The following KDM5A variants were observed in gnomAD, a reference collection of about 807,000 sequenced individuals.
KDM5A encodes lysine-specific demethylase 5A.
A neutral mutation model predicts 193.5 loss-of-function variants in KDM5A; 42 were observed. The observed-to-expected ratio is 0.22, with a 90% CI of 0.17 to 0.28. The LOEUF is 0.28. Ranked by LOEUF, KDM5A falls within the 10% of genes least tolerant of loss-of-function variation. The pLI, the probability that KDM5A is intolerant of heterozygous loss-of-function variation, is 1.00. For synonymous variants in KDM5A, 796 were observed against 718.1 expected, an observed-to-expected ratio of 1.11 and a Z score of -1.73; for missense variants, 1,692 against 2,055.1, an observed-to-expected ratio of 0.82 and a Z score of 3.42.
At position 318,399 on chromosome 12, in the gene KDM5A, G is replaced by T; in HGVS notation, c.2604C>A (p.Thr868=). Residue 868 remains threonine, a synonymous_variant, in exon 19 of 28, where the codon ACC becomes ACA. Transcript: ENST00000399788. ...ACATCTGGAGTTTGGAAGAATCTGGGGTTTCATCCATCATGGCCTCCTGAG... is the reference window on the plus strand; with the variant it reads ...ACATCTGGAGTTTGGAAGAATCTGGTGTTTCATCCATCATGGCCTCCTGAG... ...ERAQEAMMDE[T]PDSSKLQMLI... 6.2e-7 allele frequency: 1 copy of T among 1,613,996 alleles called. No homozygotes were observed. The highest frequency in any genetic ancestry group is 8.5e-7 in the Non-Finnish European group (1 of 1,179,976).
chr12:379,926 T>C (rs1344941721), intron 3 of KDM5A, among the ~76,000 whole-genome samples: 1 of 152,188 alleles, frequency 6.6e-6, no homozygotes, highest in African/African-American at 2.4e-5. Flanking sequence ...CAGACTAGGT[T>C]ACCTCTAAAA....
At chr12:388,023 T>C (rs746292889) in intron 1 of KDM5A, among the ~76,000 whole-genome samples, 2 of 152,178 alleles carry the variant, frequency 1.3e-5, no homozygotes, top group Non-Finnish European at 2.9e-5. Context: ...GACTAGTTGC[T>C]AGAAAAGCAG....
rs200400258 is a variant in KDM5A, at chr12:312,033, C to CA, written c.3037-970dup. Among the ~76,000 whole-genome samples, 1,415 of 150,732 alleles carry CA rather than the reference C, an allele frequency of 9.4e-3. 29 individuals are homozygous for CA. Among genetic ancestry groups the CA allele is most frequent in the African/African-American group, 0.032 (1,308 of 41,044 alleles). ...AGGGCGACAGAGCAAGACTCTGTCT[C>CA]AAAAAAAAAGAACTTGACACCCAGA... On this transcript the variant is annotated intron_variant, in intron 20 of 27. Coordinates refer to ENST00000399788, the MANE Select transcript of KDM5A (RefSeq NM_001042603.3).
At chr12:385,852 T>A (rs1442522476) in intron 2 of KDM5A, 45 bp downstream of exon 2, 1 of 1,461,576 alleles carries the variant, frequency 6.8e-7, no homozygotes, top group African/African-American at 1.4e-5. Context: ...ACAGCCCTAA[T>A]ATAAAGAATG....
chr12:332,058 A>T (rs1943872691), intron 12 of KDM5A, 120 bp from the exon 13 acceptor site: 1 of 896,992 alleles, frequency 1.1e-6, no homozygotes, highest in Non-Finnish European at 1.8e-6. Flanking sequence ...ATAAAGCATT[A>T]AGTTACACAT....
chr12:379,443 A>T (rs1056442083), intron 3 of KDM5A, among the ~76,000 whole-genome samples: 3 of 144,048 alleles, frequency 2.1e-5, no homozygotes, highest in African/African-American at 7.9e-5. Flanking sequence ...ATATATCTTG[A>T]TCTGCGTGAT....
chr12:301,765 T>A (rs1268268448), intron 24 of KDM5A, among the ~76,000 whole-genome samples: 1 of 151,970 alleles, frequency 6.6e-6, no homozygotes, highest in African/African-American at 2.4e-5. Context: ...GACTGTATAT[T>A]TAGAAAACCC....
At chr12:353,566 A>G (rs938044432) in intron 8 of KDM5A, among the ~76,000 whole-genome samples, 1 of 152,198 alleles carries the variant, frequency 6.6e-6, no homozygotes, top group African/African-American at 2.4e-5. Flanking sequence ...TAGAAAAAGA[A>G]TCTTTGAAAG....
intron 6 of KDM5A, among the ~76,000 whole-genome samples, chr12:355,489 A>G (rs1944220619): frequency 6.6e-6 from 1 of 152,248 alleles, no homozygotes. Flanking sequence ...CGTAAGATCC[A>G]GAGAGCTTAC....
intron 6 of KDM5A, among the ~76,000 whole-genome samples, chr12:355,985 AAC>A (rs1271880145): frequency 5.3e-5 from 8 of 152,256 alleles, no homozygotes; most frequent in African/African-American, 1.9e-4. Flanking sequence ...TACTAAAGAA[AAC>A]AGTTTATTCA....
chr12:356,401 T>C, intron 6 of KDM5A, 31 bp downstream of exon 6: 1 of 1,269,836 alleles, frequency 7.9e-7, no homozygotes, highest in Non-Finnish European at 1.2e-6. Flanking sequence ...TTCTACCTTA[T>C]CTCTTTTCAT....
At chr12:337,876 C>G (rs535324565) in intron 10 of KDM5A, among the ~76,000 whole-genome samples, 1 of 152,268 alleles carries the variant, frequency 6.6e-6, no homozygotes, top group Admixed American at 6.5e-5. Context: ...CTGCTGACCT[C>G]AAGTGATCTG....
At chr12:387,750 C>A (rs1222957157) in intron 1 of KDM5A, among the ~76,000 whole-genome samples, 3 of 152,160 alleles carry the variant, frequency 2.0e-5, no homozygotes, top group African/African-American at 4.8e-5. Context: ...ATTTACCTGT[C>A]AGGGCTTCAA....
chr12:332,904 A>G, intron 12 of KDM5A, among the ~76,000 whole-genome samples: 1 of 152,190 alleles, frequency 6.6e-6, no homozygotes, highest in Non-Finnish European at 1.5e-5. Context: ...ATTTTTGTTC[A>G]AAGTAGGATG....
At chr12:372,345 T>A (rs1944439295) in intron 3 of KDM5A, among the ~76,000 whole-genome samples, 1 of 152,204 alleles carries the variant, frequency 6.6e-6, no homozygotes, top group Non-Finnish European at 1.5e-5. Context: ...CTAGGTATTT[T>A]ATTCTGTTTG....
Position 323,677 on chromosome 12 carries a change from G to T in KDM5A, c.2073C>A (p.Ser691=). 6.2e-7 allele frequency: 1 copy of T among 1,614,140 alleles called. No individual in the cohort carries two copies. Among genetic ancestry groups the T allele is most frequent in the Non-Finnish European group, 8.5e-7 (1 of 1,179,962 alleles). ...TTCFLSALTC[S]CNPERLVCLY... is the part of the protein sequence containing the mutation. ...GACATACAAGCCGCTCAGGATTACA[G>T]GAACATGTGAGAGCAGAGAGAAAAC... Residue 691 remains serine (S), a synonymous_variant, in exon 15 of 28, where the codon TCC becomes TCA. Coordinates refer to ENST00000399788, the MANE Select transcript of KDM5A (RefSeq NM_001042603.3).
chr12:386,832 C>G (rs1944642994), intron 1 of KDM5A, among the ~76,000 whole-genome samples: 1 of 151,628 alleles, frequency 6.6e-6, no homozygotes, highest in Admixed American at 6.6e-5. Context: ...TATGCTTTCC[C>G]AAGTTACTCA....
chr12:287,850 T>C (rs1382415560), intron 27 of KDM5A, among the ~76,000 whole-genome samples: 1 of 152,188 alleles, frequency 6.6e-6, no homozygotes, highest in East Asian at 1.9e-4. Context: ...CCCATGTCTT[T>C]TTAAATCTAG....
chr12:371,195 T>A (rs1353599317), intron 3 of KDM5A, among the ~76,000 whole-genome samples: 3 of 152,230 alleles, frequency 2.0e-5, no homozygotes, highest in Non-Finnish European at 2.9e-5. Flanking sequence ...CACCACACTG[T>A]TTTCCACAAT....
Sources: allele counts gnomAD v4.1 joint callset (sites outside exome capture counted in the v4.1 genomes callset), GRCh38; gene constraint gnomAD v4.1.1; transcripts MANE v1.5; gene names NCBI Gene and HGNC (gene_info 2026-07-23, HGNC 2026-07-21).